SETDB1: variants seen among roughly 807,000 people sequenced by gnomAD.
The protein encoded by SETDB1 is SET domain bifurcated histone lysine methyltransferase 1.
In SETDB1, 31 loss-of-function variants were observed where a neutral mutation model predicts 137.4. That is an observed-to-expected ratio of 0.23 (90% confidence interval 0.17 to 0.30). SETDB1 has a LOEUF of 0.30. Among genes scored for constraint, SETDB1 ranks in the 10% least tolerant of loss-of-function variants. SETDB1 has a pLI of 1.00. For synonymous variants in SETDB1, 548 were observed against 579.9 expected (o/e 0.95, Z 0.79); for missense variants, 1,113 against 1,631.5 (o/e 0.68, Z 5.47).
intron 3 of SETDB1, among the ~76,000 whole-genome samples, chr1:150,931,441 T>C (rs1669743357): frequency 6.7e-6 from 1 of 149,862 alleles, no homozygotes; most frequent in South Asian, 2.1e-4. Flanking sequence ...AAAAATTAGC[T>C]GGGCGTGGCG....
intron 3 of SETDB1, among the ~76,000 whole-genome samples, chr1:150,931,261 C>CAAAAAAAAAAAAAAAAAAAAAA (rs767694682): frequency 1.5e-5 from 1 of 67,480 alleles, no homozygotes; most frequent in African/African-American, 4.4e-5. Flanking sequence ...CTCTTGTCTT[C>CAAAAAAAAAAAAAAAAAAAAAA]AAAAAAAAAA....
In SETDB1 at chr1:150,949,248, C is replaced by T. The variant is rs1670425128; in HGVS notation, c.1394C>T (p.Pro465Leu). Residue 465 changes from proline (P) to leucine (L), a missense_variant, in exon 11 of 22, where the codon CCA becomes CTA. Pro to Leu is a moderately conservative substitution (Grantham distance 98). Around this residue, in one of 11 missense-constraint regions of SETDB1, gnomAD observed 192 missense variants for 198.1 expected, o/e 0.97. Coordinates refer to ENST00000692827, the MANE Select transcript of SETDB1 (RefSeq NM_001366418.1). ...CCTGCCCCACCTTTCCCACCTGCTCCACCTCTATCCCCCCAAGCAGGTGAC... is the reference window on the plus strand; with the variant it reads ...CCTGCCCCACCTTTCCCACCTGCTCTACCTCTATCCCCCCAAGCAGGTGAC... ...APPAPPFPPA[P>L]PLSPQAGDSE... The T allele has an allele frequency of 6.2e-7, 1 of 1,613,954 alleles. No individual in the cohort carries two copies. Among genetic ancestry groups the T allele is most frequent in the South Asian group, 1.1e-5 (1 of 91,058 alleles).
chr1:150,963,143 G>A lies in SETDB1; in HGVS notation c.3460+4G>A. 1.2e-6 allele frequency: 2 copies of A among 1,603,352 alleles called. No individual in the cohort carries two copies. The highest frequency in any genetic ancestry group is 1.7e-6 in the Non-Finnish European group (2 of 1,172,964). ...GAGGACAAGAAGAACATGACTGGTA[G>A]CCTGGAAAAATTTTGGGAATGGTGG... is the stretch of plus-strand genomic sequence containing the variant. On this transcript the variant is annotated splice_donor_region_variant and intron_variant, in intron 19 of 21. Transcript: ENST00000692827.
At chr1:150,948,810 C>T (rs1670409987) in intron 10 of SETDB1, among the ~76,000 whole-genome samples, 1 of 151,728 alleles carries the variant, frequency 6.6e-6, no homozygotes, top group Non-Finnish European at 1.5e-5. Flanking sequence ...GCAACCTCCA[C>T]CTCCTGGTTT....
rs587751624 is a variant in SETDB1, at chr1:150,963,989, C to T, written c.3673-6C>T. 5.6e-6 allele frequency: 9 copies of T among 1,613,406 alleles called. No individual in the cohort carries two copies. The highest frequency in any genetic ancestry group is 2.2e-5 in the East Asian group (1 of 44,880). ...TTCTTATTTGATCCTGTCCTTAAAC[C>T]TACAGCACAGTTGCAGCCCCAACCT... On this transcript the variant is annotated splice_region_variant and splice_polypyrimidine_tract_variant and intron_variant, in intron 20 of 21. Coordinates refer to ENST00000692827, the MANE Select transcript of SETDB1 (RefSeq NM_001366418.1).
rs777376952 is a variant in SETDB1 at position 150,949,171 on chromosome 1, C to T, written c.1317C>T (p.Thr439=). The stretch of plus-strand genomic sequence containing the variant: ...TTGTCCAGTACACACAGGATCTGAC[C>T]GGTACTGGAACCCAGTTCAAGCCAG... ...GPVVQYTQDL[T]GTGTQFKPVE... is the part of the protein sequence containing the mutation. The change falls in exon 11 of 22, where the codon ACC becomes ACT. Residue 439 remains threonine (T), a synonymous_variant. Coordinates refer to ENST00000692827, the MANE Select transcript of SETDB1 (RefSeq NM_001366418.1). The T allele has an allele frequency of 2.9e-5, 47 of 1,613,842 alleles. No homozygotes were observed. In the Admixed American group the frequency reaches 6.5e-4, roughly 22 times the overall value.
At chr1:150,948,516 C>T (rs1383028653) in intron 10 of SETDB1, among the ~76,000 whole-genome samples, 1 of 151,908 alleles carries the variant, frequency 6.6e-6, no homozygotes, top group Non-Finnish European at 1.5e-5. Flanking sequence ...GGTGATCTGC[C>T]CGCCTCAGCC....
chr1:150,937,512 G>A (rs1380378341), intron 3 of SETDB1, among the ~76,000 whole-genome samples: 2 of 152,174 alleles, frequency 1.3e-5, no homozygotes, highest in Non-Finnish European at 2.9e-5. Context: ...TGGCTACTCA[G>A]GAGGTTGAGG....
rs1321650831 is a variant in SETDB1, at chr1:150,950,523, C to G, written c.1649C>G (p.Pro550Arg). 2.5e-6 allele frequency: 4 copies of G among 1,613,886 alleles called. No homozygotes were observed. In the Admixed American group the frequency reaches 6.7e-5, roughly 27 times the overall value. Residue 550 changes from proline to arginine, a missense_variant, in exon 13 of 22, where the codon CCA becomes CGA. Physicochemically the swap from Pro to Arg is moderately radical, Grantham distance 103. Around this residue, in one of 11 missense-constraint regions of SETDB1, gnomAD observed 192 missense variants for 198.1 expected, o/e 0.97. Transcript: ENST00000692827. ...GCACTCCCGGCCCCTCCAGCACCCCCAGTCTTCCATGGCATGCTGGAGCGG... is the reference window on the plus strand; with the variant it reads ...GCACTCCCGGCCCCTCCAGCACCCCGAGTCTTCCATGGCATGCTGGAGCGG... The part of the protein sequence containing the change: ...PSALPAPPAP[P>R]VFHGMLERAP...
At position 150,929,988 on chromosome 1, in the gene SETDB1, T is replaced by G. The variant is rs1669674132; in HGVS notation, c.282T>G (p.Ser94=). 18 of 1,613,674 alleles carry G rather than the reference T, an allele frequency of 1.1e-5. No homozygotes were observed. Among genetic ancestry groups the G allele is most frequent in the Non-Finnish European group, 1.5e-5 (18 of 1,179,878 alleles). ...TTAGGGCAGTGACTAATTGTGAGTCTTTGGTGAAGGACTTCTACTCCAAGC... is the reference window on the plus strand; with the variant it reads ...TTAGGGCAGTGACTAATTGTGAGTCGTTGGTGAAGGACTTCTACTCCAAGC... ...DASRAVTNCE[S]LVKDFYSKLG... Residue 94 remains serine, a synonymous_variant, in exon 3 of 22, where the codon TCT becomes TCG. Coordinates refer to ENST00000692827, the MANE Select transcript of SETDB1 (RefSeq NM_001366418.1).
At chr1:150,956,951 C>A (rs934894507) in intron 14 of SETDB1, among the ~76,000 whole-genome samples, 4 of 151,834 alleles carry the variant, frequency 2.6e-5, no homozygotes, top group Non-Finnish European at 5.9e-5. Context: ...CTTGTCTCTA[C>A]AAAAAAAGTT....
At chr1:150,928,123 TC>T in intron 2 of SETDB1, 149 bp downstream of exon 2, 1 of 885,978 alleles carries the variant, frequency 1.1e-6, no homozygotes, top group Non-Finnish European at 1.7e-6. Context: ...AGTGGAGTGA[TC>T]CTGGCTCACT....
chr1:150,962,756 G>A, intron 18 of SETDB1, 37 bp downstream of exon 18: 1 of 1,605,586 alleles, frequency 6.2e-7, no homozygotes, highest in South Asian at 1.1e-5. Flanking sequence ...TCTAATAAAG[G>A]AAAATGGGCC....
At position 150,952,148 on chromosome 1, in the gene SETDB1, TA is replaced by T. The variant is rs587604868; in HGVS notation, c.2333+680del. Among the ~76,000 whole-genome samples the T allele has an allele frequency of 1.7e-3, 242 of 142,260 alleles. 1 individual carries two copies. The highest frequency in any genetic ancestry group is 3.8e-3 in the South Asian group (17 of 4,466). The allele number at this position is 142,260 out of a possible 152,430, so 93.3% of individuals were successfully genotyped here. On this transcript the variant is annotated intron_variant, in intron 14 of 21. Transcript: ENST00000692827. ...GGGTGACAAGAGCGAGACTCTGCCT[TA>T]AAAAAAAAAAAAGAAAAGTTAGAAT...
rs1028062612 is a variant in SETDB1 at position 150,931,458 on chromosome 1, G to A, written c.412+1340G>A. ...AAATTAGCTGGGCGTGGCGGCGGACGCCTGTAGTCCCAGCTACTTGGGAGG... is the reference window on the plus strand; with the variant it reads ...AAATTAGCTGGGCGTGGCGGCGGACACCTGTAGTCCCAGCTACTTGGGAGG... On this transcript the variant is annotated intron_variant, in intron 3 of 21. Transcript: ENST00000692827. Among the ~76,000 whole-genome samples the A allele has an allele frequency of 8.7e-5, 13 of 150,086 alleles. No individual in the cohort carries two copies. The South Asian group carries it at 1.5e-3, about 17-fold the overall frequency.
At chr1:150,947,423 T>G (rs1020755777) in intron 10 of SETDB1, among the ~76,000 whole-genome samples, 9 of 152,036 alleles carry the variant, frequency 5.9e-5, no homozygotes, top group Non-Finnish European at 7.4e-5. Flanking sequence ...CTGCCCAAAG[T>G]GCTAGGATTA....
Position 150,946,001 on chromosome 1 carries a change from C to CTGTTT in SETDB1, c.1141-853_1141-849dup, listed in dbSNP as rs3034037. 9.4e-3 allele frequency among the ~76,000 whole-genome samples: 1,401 copies of CTGTTT among 149,478 alleles called. 7 individuals are homozygous for CTGTTT. The highest frequency in any genetic ancestry group is 0.013 in the Non-Finnish European group (878 of 67,320). On this transcript the variant is annotated intron_variant, in intron 9 of 21. Transcript: ENST00000692827. Reference sequence around the variant, plus strand: ...ACAGGCGTGAGCCACCACGCCTGGCCTGTTTTGTTTTGTTTTGTTTTGTTT... The same window carrying CTGTTT: ...ACAGGCGTGAGCCACCACGCCTGGCCTGTTTTGTTTTGTTTTGTTTTGTTTTGTTT...
In SETDB1 at chr1:150,962,710, C is replaced by A. The variant is rs1309051928; in HGVS notation, c.3285C>A (p.Ser1095=). ...GAAGACTCATGGCTTCTGCTCAGTC[C>A]AACCCTGATGTAAGTCACCTCAAGC... is the stretch of plus-strand genomic sequence containing the variant. The part of the protein sequence containing the change: ...QSRRLMASAQ[S]NPDDVLTLSS... Residue 1095 remains serine, a synonymous_variant, in exon 18 of 22, where the codon TCC becomes TCA. Coordinates refer to ENST00000692827, the MANE Select transcript of SETDB1 (RefSeq NM_001366418.1). 1.2e-6 allele frequency: 2 copies of A among 1,614,068 alleles called. No individual in the cohort carries two copies. The highest frequency in any genetic ancestry group is 4.5e-5 in the East Asian group (2 of 44,884).
chr1:150,946,461 T>G (rs6658066), intron 9 of SETDB1, among the ~76,000 whole-genome samples: 65,009 of 151,130 alleles, frequency 0.43, 14,673 homozygotes, highest in African/African-American at 0.55. Flanking sequence ...AATTTTTTTT[T>G]GGGGGGGATG....
Sources: allele counts gnomAD v4.1 joint callset (sites outside exome capture counted in the v4.1 genomes callset), GRCh38; gene constraint gnomAD v4.1.1; regional missense constraint gnomAD v4.1.1; transcripts MANE v1.5; gene names NCBI Gene and HGNC (gene_info 2026-07-23, HGNC 2026-07-21).